The following ATAD2B variants were observed in gnomAD, a reference collection of about 807,000 sequenced individuals.
The protein encoded by ATAD2B is ATPase family AAA domain containing 2B, also known as ATPase family AAA domain-containing protein 2B.
A neutral mutation model predicts 167.6 loss-of-function variants in ATAD2B; 40 were observed. The observed-to-expected ratio is 0.24, with a 90% CI of 0.19 to 0.31. The LOEUF (loss-of-function observed/expected upper bound fraction) is 0.31. Ranked by LOEUF, ATAD2B falls within the 10% of genes least tolerant of loss-of-function variation. The probability of loss-of-function intolerance (pLI) is 1.00; values close to 1 mark genes in which losing one functional copy is unlikely to be tolerated. For synonymous variants in ATAD2B, 579 were observed against 596.5 expected, an observed-to-expected ratio of 0.97 and a Z score of 0.43; for missense variants, 1,242 against 1,757.2, an observed-to-expected ratio of 0.71 and a Z score of 5.24.
chr2:23,712,085 T>A, the ATAD2B span, among the ~76,000 whole-genome samples: 1 of 152,136 alleles, frequency 6.6e-6, no homozygotes, highest in Non-Finnish European at 1.5e-5. Flanking sequence ...GTTATCCCCA[T>A]TGCAGGAGTG....
chr2:23,882,138 T>C (rs1292214307), intron 6 of ATAD2B, among the ~76,000 whole-genome samples: 1 of 152,186 alleles, frequency 6.6e-6, no homozygotes, highest in East Asian at 1.9e-4. Context: ...GGCGGGAGGA[T>C]GGCTTGAGCC....
At chr2:23,817,702 A>G (rs559534681) in intron 17 of ATAD2B, among the ~76,000 whole-genome samples, 7 of 152,342 alleles carry the variant, frequency 4.6e-5, no homozygotes, top group Admixed American at 4.6e-4. Context: ...GAATAAAGAA[A>G]TAAGTGAATA....
the ATAD2B span, chr2:23,696,601 T>G: frequency 5.7e-6 from 6 of 1,061,028 alleles, no homozygotes; most frequent in Non-Finnish European, 8.1e-6. This position sits in a 1 kb window ranked among gnomAD's most constrained non-coding sequence, Gnocchi z 5.5. Context: ...CAACACCCAC[T>G]CAGTGGCGAT....
chr2:23,852,903 A>G (rs1295291830), intron 13 of ATAD2B, among the ~76,000 whole-genome samples: 2 of 151,582 alleles, frequency 1.3e-5, no homozygotes, highest in African/African-American at 4.9e-5. Context: ...TGGGCGACAG[A>G]GCGAGACTCC....
At chr2:23,865,957 T>C in intron 10 of ATAD2B, 1 of 966,902 alleles carries the variant, frequency 1.0e-6, no homozygotes, top group Non-Finnish European at 1.2e-6. Context: ...TCCCTGCTTC[T>C]TCATTCTGTT....
intron 13 of ATAD2B, among the ~76,000 whole-genome samples, chr2:23,847,992 C>CAA (rs529339468): frequency 9.0e-4 from 82 of 90,778 alleles, no homozygotes; most frequent in Middle Eastern, 6.2e-3. Context: ...GACTTCATCC[C>CAA]AAAAAAAAAA....
At chr2:23,703,424 C>G in the ATAD2B span, 7 of 1,397,322 alleles carry the variant, frequency 5.0e-6, no homozygotes, top group Middle Eastern at 3.7e-4. Flanking sequence ...GGTCGCATCC[C>G]TGCCTTGCTG....
At chr2:23,899,406 G>A (rs1249953102) in intron 1 of ATAD2B, among the ~76,000 whole-genome samples, 1 of 151,750 alleles carries the variant, frequency 6.6e-6, no homozygotes. Flanking sequence ...TTAAGATGGT[G>A]TATTAGTTTT....
intron 1 of ATAD2B, among the ~76,000 whole-genome samples, chr2:23,904,478 A>G (rs1053037130): frequency 2.6e-5 from 4 of 152,128 alleles, no homozygotes; most frequent in African/African-American, 9.7e-5. Flanking sequence ...TAGTCTTACA[A>G]AAGTGTCAGA....
Position 23,865,325 on chromosome 2 carries a change from T to TC in ATAD2B, c.1189-402dup, listed in dbSNP as rs777412724. Among the ~76,000 whole-genome samples, 20 of 152,256 alleles carry TC rather than the reference T, an allele frequency of 1.3e-4. 2 individuals are homozygous for TC. Among genetic ancestry groups the TC allele is most frequent in the Admixed American group, 3.9e-4 (6 of 15,286 alleles). On this transcript the variant is annotated intron_variant, in intron 10 of 27. Transcript: ENST00000238789. ...GGGCGGATCACCTGAGCTCAGGAGT[T>TC]CGAGACCAGCCTGCCCAACATGGTG...
chr2:23,919,456 AG>A (rs1389392109), intron 1 of ATAD2B, among the ~76,000 whole-genome samples: 1 of 152,118 alleles, frequency 6.6e-6, no homozygotes. Context: ...TTAAGGTGGG[AG>A]GATCACTTGA....
At chr2:23,785,671 C>T (rs1680710420) in intron 21 of ATAD2B, 2 of 165,132 alleles carry the variant, frequency 1.2e-5, no homozygotes. Context: ...CCAGTATTAA[C>T]TGGTATTGAT....
At chr2:23,882,826 A>AC (rs1313650858) in intron 6 of ATAD2B, among the ~76,000 whole-genome samples, 6 of 141,424 alleles carry the variant, frequency 4.2e-5, no homozygotes, top group East Asian at 2.0e-4. Context: ...AACAACAACA[A>AC]AAAAAAAAAG....
chr2:23,762,126 C>T (rs1266026395), intron 24 of ATAD2B, 83 bp downstream of exon 24: 25 of 1,432,046 alleles, frequency 1.7e-5, no homozygotes, highest in Non-Finnish European at 2.3e-5. Flanking sequence ...AAGAGCGGCA[C>T]TTTGTTTTGT....
the ATAD2B span, among the ~76,000 whole-genome samples, chr2:23,725,753 G>A: frequency 6.6e-6 from 1 of 152,064 alleles, no homozygotes. Flanking sequence ...ACAATACAAT[G>A]GTAGAGTTAA....
At chr2:23,859,949 CAAA>C (rs777997306) in intron 12 of ATAD2B, among the ~76,000 whole-genome samples, 2 of 119,240 alleles carry the variant, frequency 1.7e-5, no homozygotes, top group African/African-American at 3.1e-5. Flanking sequence ...GACTCAGCCT[CAAA>C]AAAAAAAAAA....
intron 22 of ATAD2B, among the ~76,000 whole-genome samples, chr2:23,782,245 T>C (rs144982465): frequency 1.9e-3 from 287 of 152,366 alleles, no homozygotes; most frequent in Admixed American, 3.1e-3. Context: ...CCTTATACTC[T>C]AACCAAAATC....
At chr2:23,926,319 C>G (rs1160527969) in intron 1 of ATAD2B, among the ~76,000 whole-genome samples, 1 of 152,238 alleles carries the variant, frequency 6.6e-6, no homozygotes, top group Non-Finnish European at 1.5e-5. Context: ...CCAAAGCCCT[C>G]TCCCCTGGAC....
At chr2:23,682,456 G>A in the ATAD2B span, among the ~76,000 whole-genome samples, 8 of 152,244 alleles carry the variant, frequency 5.3e-5, no homozygotes, top group East Asian at 1.5e-3. The surrounding 1 kb of genome is among the most constrained non-coding windows in gnomAD (Gnocchi z 4.1). Context: ...GGCCTCCCAA[G>A]CCACTCCCCA....
Sources: gnomAD v4.1 joint callset for allele counts (sites outside exome capture counted in the v4.1 genomes callset) on GRCh38, gnomAD v4.1.1 for gene constraint, Gnocchi (gnomAD v3.1) non-coding constraint, MANE v1.5 for transcripts, NCBI Gene and HGNC (gene_info 2026-07-23, HGNC 2026-07-21) for gene names.